The following SLC24A2 variants were observed in gnomAD, a reference collection of about 807,000 sequenced individuals.
The protein encoded by SLC24A2 is solute carrier family 24 member 2.
In SLC24A2, 36 loss-of-function variants were observed where a neutral mutation model predicts 62.0. The observed-to-expected ratio is 0.58, with a 90% confidence interval of 0.44 to 0.77. The LOEUF (loss-of-function observed/expected upper bound fraction) is 0.77. Among genes scored for constraint, SLC24A2 ranks in the 30% least tolerant of loss-of-function variants. The pLI is 0.00. For synonymous variants in SLC24A2, 358 were observed against 294.0 expected (o/e 1.22, Z -2.23); for missense variants, 846 against 817.9 (o/e 1.03, Z -0.42).
chr9:20,177,319 G>A, the SLC24A2 span, among the ~76,000 whole-genome samples: 130 of 152,176 alleles, frequency 8.5e-4, no homozygotes, highest in Middle Eastern at 0.014. Flanking sequence ...TGTTATTACC[G>A]TATTTACTTC....
chr9:20,296,301 T>C, the SLC24A2 span, among the ~76,000 whole-genome samples: 1 of 152,258 alleles, frequency 6.6e-6, no homozygotes, highest in Admixed American at 6.5e-5. Flanking sequence ...AATTATTCTA[T>C]TGTATACAAC....
the SLC24A2 span, among the ~76,000 whole-genome samples, chr9:20,076,473 T>G: frequency 6.6e-6 from 1 of 152,060 alleles, no homozygotes; most frequent in African/African-American, 2.4e-5. Flanking sequence ...GGAGGCCAAT[T>G]GCAACTGCCA....
chr9:20,051,657 C>CTCTCTTTTTTTTTTTTT, the SLC24A2 span, among the ~76,000 whole-genome samples: 1 of 73,510 alleles, frequency 1.4e-5, no homozygotes, highest in Non-Finnish European at 2.4e-5. Context: ...TTTTCTTTCT[C>CTCTCTTTTTTTTTTTTT]TTTTTTTTTT....
chr9:19,765,272 A>C (rs1175545786), intron 2 of SLC24A2, among the ~76,000 whole-genome samples: 1 of 152,010 alleles, frequency 6.6e-6, no homozygotes, highest in East Asian at 1.9e-4. Flanking sequence ...TGTGCCTTTT[A>C]ATTGGGGAAT....
the SLC24A2 span, among the ~76,000 whole-genome samples, chr9:19,809,775 C>T: frequency 6.6e-6 from 1 of 152,078 alleles, no homozygotes; most frequent in Non-Finnish European, 1.5e-5. Flanking sequence ...CTATGTAAAT[C>T]GGACACCACC....
intron 2 of SLC24A2, among the ~76,000 whole-genome samples, chr9:19,767,615 C>A (rs921088291): frequency 2.0e-5 from 3 of 152,166 alleles, no homozygotes; most frequent in African/African-American, 7.2e-5. Context: ...CTTCTGCTTA[C>A]CCTCTGTGGG....
At chr9:20,061,571 C>G in the SLC24A2 span, among the ~76,000 whole-genome samples, 99,834 of 152,110 alleles carry the variant, frequency 0.66, 33,929 homozygotes, top group East Asian at 0.95. Context: ...ACAGGCATGA[C>G]CCACTGCACT....
chr9:19,798,993 CTTG>C, the SLC24A2 span, among the ~76,000 whole-genome samples: 3,738 of 152,226 alleles, frequency 0.025, 167 homozygotes, highest in African/African-American at 0.085. Context: ...TTTTCATCTT[CTTG>C]TTGTATTTCA....
At chr9:19,590,260 A>G (rs2132883361) in intron 5 of SLC24A2, among the ~76,000 whole-genome samples, 1 of 152,308 alleles carries the variant, frequency 6.6e-6, no homozygotes, top group South Asian at 2.1e-4. Flanking sequence ...ATCAACTTCC[A>G]GACCCTCATA....
At chr9:19,527,397 A>G (rs941960847) in intron 9 of SLC24A2, among the ~76,000 whole-genome samples, 4 of 152,200 alleles carry the variant, frequency 2.6e-5, no homozygotes, top group African/African-American at 9.7e-5. Flanking sequence ...ACCTATGTAT[A>G]GGGTTACTGT....
chr9:19,909,799 C>G, the SLC24A2 span, among the ~76,000 whole-genome samples: 1 of 151,860 alleles, frequency 6.6e-6, no homozygotes, highest in Non-Finnish European at 1.5e-5. Context: ...GCTTTCAGCT[C>G]AAAAAAACGG....
chr9:19,664,630 T>C (rs561240007), intron 2 of SLC24A2, among the ~76,000 whole-genome samples: 42 of 152,326 alleles, frequency 2.8e-4, no homozygotes, highest in African/African-American at 8.4e-4. Context: ...TTTGAAGATG[T>C]AATGAAGTTG....
At chr9:20,174,087 C>T in the SLC24A2 span, among the ~76,000 whole-genome samples, 4 of 151,962 alleles carry the variant, frequency 2.6e-5, no homozygotes, top group East Asian at 5.8e-4. Context: ...CAACCAAATA[C>T]ATCAAGTGAG....
At chr9:19,829,793 GTGTGTATA>G in the SLC24A2 span, among the ~76,000 whole-genome samples, 1 of 25,980 alleles carries the variant, frequency 3.8e-5, no homozygotes, top group Admixed American at 4.2e-4. Flanking sequence ...GTGTGTGTGT[GTGTGTATA>G]TATATATATA....
At chr9:20,067,440 T>G in the SLC24A2 span, among the ~76,000 whole-genome samples, 1 of 152,156 alleles carries the variant, frequency 6.6e-6, no homozygotes, top group Non-Finnish European at 1.5e-5. Flanking sequence ...ACTTTTATTT[T>G]AGATACAGGG....
At chr9:20,261,802 C>G in the SLC24A2 span, among the ~76,000 whole-genome samples, 2 of 125,350 alleles carry the variant, frequency 1.6e-5, no homozygotes, top group African/African-American at 6.3e-5. Context: ...TGCAGTGGCA[C>G]GATCTCGGCT....
chr9:19,723,849 G>A (rs1821097562), intron 2 of SLC24A2, among the ~76,000 whole-genome samples: 1 of 151,932 alleles, frequency 6.6e-6, no homozygotes, highest in African/African-American at 2.4e-5. Context: ...AACAAAAAAA[G>A]CTTAATTGGA....
chr9:20,272,258 T>C, the SLC24A2 span, among the ~76,000 whole-genome samples: 3 of 152,200 alleles, frequency 2.0e-5, no homozygotes, highest in Non-Finnish European at 4.4e-5. Context: ...AGGGACTCAG[T>C]AGTATAGCAA....
the SLC24A2 span, among the ~76,000 whole-genome samples, chr9:19,807,050 G>T: frequency 6.6e-6 from 1 of 152,268 alleles, no homozygotes; most frequent in African/African-American, 2.4e-5. Context: ...AAAACATAGG[G>T]AGAAATGCTA....
Sources: allele counts gnomAD v4.1 joint callset (sites outside exome capture counted in the v4.1 genomes callset), GRCh38; gene constraint gnomAD v4.1.1; transcripts MANE v1.5; gene names NCBI Gene and HGNC (gene_info 2026-07-23, HGNC 2026-07-21).